Variants in OSBPL8 observed in about 807,000 individuals in gnomAD.
OSBPL8 encodes oxysterol-binding protein-related protein 8.
OSBPL8 carries 59 observed loss-of-function variants against 125.5 expected under a neutral mutation model. That is an observed-to-expected ratio of 0.47 (90% CI 0.38 to 0.58). The LOEUF (loss-of-function observed/expected upper bound fraction) is 0.58, where lower values mean the gene tolerates loss of function less well. Ranked by LOEUF, OSBPL8 falls within the 20% of genes least tolerant of loss-of-function variation. The probability of loss-of-function intolerance (pLI) is 0.00; values close to 1 mark genes in which losing one functional copy is unlikely to be tolerated. For missense variants in OSBPL8, 758 were observed against 1,047.8 expected, an observed-to-expected ratio of 0.72 and a Z score of 3.82; for synonymous variants, 330 against 338.9, an observed-to-expected ratio of 0.97 and a Z score of 0.29.
At chr12:76,512,096 T>C (rs780313554) in intron 1 of OSBPL8, among the ~76,000 whole-genome samples, 1 of 152,216 alleles carries the variant, frequency 6.6e-6, no homozygotes, top group Non-Finnish European at 1.5e-5. Context: ...TACCCAATAG[T>C]TATCTTTTCT....
intron 19 of OSBPL8, 26 bp from the exon 20 acceptor site, chr12:76,369,848 A>G (rs1952555473): frequency 1.9e-6 from 3 of 1,574,712 alleles, no homozygotes; most frequent in Non-Finnish European, 2.6e-6. Flanking sequence ...AAATATTAAA[A>G]GTATTAAAAA....
At chr12:76,394,014 A>G (rs926641080) in intron 9 of OSBPL8, among the ~76,000 whole-genome samples, 2 of 152,142 alleles carry the variant, frequency 1.3e-5, no homozygotes, top group Non-Finnish European at 2.9e-5. Context: ...GCGAGACTCC[A>G]TCTCAAAAAC....
At chr12:76,517,193 T>C (rs1158316765) in intron 1 of OSBPL8, among the ~76,000 whole-genome samples, 2 of 152,204 alleles carry the variant, frequency 1.3e-5, no homozygotes, top group Non-Finnish European at 2.9e-5. Context: ...TATTTATGTA[T>C]TGTACACATG....
intron 2 of OSBPL8, among the ~76,000 whole-genome samples, chr12:76,482,990 G>C (rs181865809): frequency 1.3e-5 from 2 of 152,096 alleles, no homozygotes; most frequent in African/African-American, 4.8e-5. Context: ...GGCAGGGCAC[G>C]GTGGCTCATG....
At chr12:76,556,665 T>G (rs1190092932) in intron 1 of OSBPL8, among the ~76,000 whole-genome samples, 1 of 152,082 alleles carries the variant, frequency 6.6e-6, no homozygotes, top group Non-Finnish European at 1.5e-5. Flanking sequence ...AGGCTTTTTG[T>G]TTTTTTGGTG....
At chr12:76,508,050 T>C (rs886460202) in intron 1 of OSBPL8, among the ~76,000 whole-genome samples, 1 of 150,450 alleles carries the variant, frequency 6.6e-6, no homozygotes, top group Non-Finnish European at 1.5e-5. Context: ...AGGTGCCTGT[T>C]ATCCCAGCTA....
At chr12:76,359,004 C>G (rs1952096908) in intron 21 of OSBPL8, among the ~76,000 whole-genome samples, 193 bp from the exon 22 acceptor site, 1 of 152,166 alleles carries the variant, frequency 6.6e-6, no homozygotes, top group Non-Finnish European at 1.5e-5. Flanking sequence ...ATAGGAAGTA[C>G]TTTGGCACAA....
At chr12:76,494,845 T>C (rs1300237446) in intron 1 of OSBPL8, among the ~76,000 whole-genome samples, 1 of 152,116 alleles carries the variant, frequency 6.6e-6, no homozygotes, top group Non-Finnish European at 1.5e-5. Flanking sequence ...TGTAAGAGTT[T>C]GCAGCTCAAA....
chr12:76,536,513 C>T (rs1950502764), intron 1 of OSBPL8, among the ~76,000 whole-genome samples: 2 of 152,010 alleles, frequency 1.3e-5, no homozygotes, highest in South Asian at 4.1e-4. Flanking sequence ...ACTATGTATG[C>T]TGGTAAATTA....
chr12:76,549,885 T>C (rs1249255389), intron 1 of OSBPL8, among the ~76,000 whole-genome samples: 2 of 152,140 alleles, frequency 1.3e-5, no homozygotes, highest in African/African-American at 4.8e-5. Context: ...AAAGAGTTAT[T>C]TGAAGATGTA....
chr12:76,524,684 CTTT>C (rs199735464), intron 1 of OSBPL8, among the ~76,000 whole-genome samples: 4 of 139,076 alleles, frequency 2.9e-5, no homozygotes, highest in Admixed American at 1.4e-4. Flanking sequence ...GATCTAATTA[CTTT>C]TTTTTTTTTT....
At chr12:76,515,780 T>C (rs1881475506) in intron 1 of OSBPL8, among the ~76,000 whole-genome samples, 1 of 152,060 alleles carries the variant, frequency 6.6e-6, no homozygotes, top group African/African-American at 2.4e-5. Flanking sequence ...GTAGAGTTGT[T>C]TCCTTGATTA....
At chr12:76,480,930 T>A (rs543042370) in intron 2 of OSBPL8, among the ~76,000 whole-genome samples, 1 of 152,304 alleles carries the variant, frequency 6.6e-6, no homozygotes, top group East Asian at 1.9e-4. Context: ...AGTTATCTGA[T>A]TTTCTGAGTG....
chr12:76,461,250 T>TA (rs1874687909), intron 2 of OSBPL8, among the ~76,000 whole-genome samples: 1 of 152,144 alleles, frequency 6.6e-6, no homozygotes, highest in Non-Finnish European at 1.5e-5. Context: ...TGGGATTAGA[T>TA]TATAAAGAGA....
intron 4 of OSBPL8, among the ~76,000 whole-genome samples, chr12:76,433,818 C>T (rs1565893554): frequency 6.6e-6 from 1 of 150,922 alleles, no homozygotes; most frequent in Admixed American, 6.6e-5. Context: ...ACTAAAAATA[C>T]AAAAAAAATT....
chr12:76,375,396 A>G lies in OSBPL8; in HGVS notation c.1730-26T>C, dbSNP rs748899414. 5.4e-5 allele frequency: 83 copies of G among 1,526,980 alleles called. 1 individual carries two copies. The South Asian group carries it at 8.0e-4, about 15-fold the overall frequency. 94.6% of individuals were successfully genotyped at this position (1,526,980 alleles called of 1,614,324 possible). On this transcript the variant is annotated intron_variant, in intron 16 of 23. Coordinates refer to ENST00000261183, the MANE Select transcript of OSBPL8 (RefSeq NM_020841.5). ...CTAAAGGAAAAAGATTTGACAAAAA[A>G]TTGAAAAGAGTATAGTATAGTATAT...
intron 15 of OSBPL8, among the ~76,000 whole-genome samples, chr12:76,379,517 C>A (rs1219714860): frequency 6.6e-6 from 1 of 152,176 alleles, no homozygotes; most frequent in African/African-American, 2.4e-5. Flanking sequence ...TTCCTCCTTG[C>A]CCCTGAGCAG....
intron 21 of OSBPL8, among the ~76,000 whole-genome samples, chr12:76,367,413 T>C (rs572675263): frequency 2.0e-5 from 3 of 152,300 alleles, no homozygotes; most frequent in East Asian, 1.9e-4. Context: ...TTGCACATAA[T>C]ATTTTTTTCC....
chr12:76,404,035 C>G lies in OSBPL8; in HGVS notation c.289-1269G>C, dbSNP rs539339229. 9.9e-5 allele frequency among the ~76,000 whole-genome samples: 15 copies of G among 152,268 alleles called. No homozygotes were observed. The East Asian group carries it at 2.3e-3, about 23-fold the overall frequency. On this transcript the variant is annotated intron_variant, in intron 5 of 23. Coordinates refer to ENST00000261183, the MANE Select transcript of OSBPL8 (RefSeq NM_020841.5). The stretch of plus-strand genomic sequence containing the variant: ...CTATTAAGGTGATGGTATTAACTGG[C>G]TGAACCAGAAGGGAAATGCAAACAA...
Sources: allele counts gnomAD v4.1 joint callset (sites outside exome capture counted in the v4.1 genomes callset), GRCh38; gene constraint gnomAD v4.1.1; transcripts MANE v1.5; gene names NCBI Gene and HGNC (gene_info 2026-07-23, HGNC 2026-07-21).